The following HDAC9 variants were observed in gnomAD, a reference collection of about 807,000 sequenced individuals.
The protein encoded by HDAC9 is histone deacetylase 9, also known as MEF-2 interacting transcription repressor (MITR) protein.
Under a neutral mutation model 139.4 loss-of-function variants are expected in HDAC9, and 41 were observed. The ratio of observed to expected loss-of-function variants is 0.29; its 90% confidence interval spans 0.23 to 0.38. The LOEUF (loss-of-function observed/expected upper bound fraction) is 0.38. Among genes scored for constraint, HDAC9 ranks in the 10% least tolerant of loss-of-function variants. The probability of loss-of-function intolerance (pLI) is 1.00; values close to 1 mark genes in which losing one functional copy is unlikely to be tolerated. For missense variants in HDAC9, 1,147 were observed against 1,297.0 expected (o/e 0.88, Z 1.78); for synonymous variants, 517 against 476.2 (o/e 1.09, Z -1.12).
intron 21 of HDAC9, among the ~76,000 whole-genome samples, chr7:18,859,764 G>C (rs1354180885): frequency 1.5e-5 from 2 of 130,970 alleles, no homozygotes; most frequent in Non-Finnish European, 3.2e-5. Flanking sequence ...TGCCTACAAA[G>C]CTTCTTTTTC....
chr7:18,155,389 A>G (rs888003565), intron 1 of HDAC9, among the ~76,000 whole-genome samples: 3 of 152,196 alleles, frequency 2.0e-5, no homozygotes, highest in African/African-American at 4.8e-5. Context: ...GCTTACTACG[A>G]AAAGGTCTGT....
chr7:18,366,762 A>T (rs1784212855), intron 1 of HDAC9, among the ~76,000 whole-genome samples: 1 of 152,126 alleles, frequency 6.6e-6, no homozygotes. Flanking sequence ...AAATCCTCAT[A>T]GCTATTCACC....
chr7:18,488,048 A>G (rs1796101207), intron 1 of HDAC9, among the ~76,000 whole-genome samples: 1 of 152,084 alleles, frequency 6.6e-6, no homozygotes, highest in Non-Finnish European at 1.5e-5. Context: ...GTGGAATAAA[A>G]TAAACTTTTG....
intron 16 of HDAC9, 87 bp from the exon 17 acceptor site, chr7:18,793,258 C>A: frequency 2.3e-6 from 2 of 874,476 alleles, no homozygotes; most frequent in Middle Eastern, 2.2e-4. Flanking sequence ...TCTTCCCCTG[C>A]GACCTCTTCC....
chr7:18,298,676 T>G (rs2128228451), intron 1 of HDAC9, among the ~76,000 whole-genome samples: 1 of 152,344 alleles, frequency 6.6e-6, no homozygotes, highest in East Asian at 1.9e-4. Context: ...GAACTTTCTT[T>G]GTTTAGCTTG....
At chr7:18,976,155 G>A (rs947781246) in intron 25 of HDAC9, among the ~76,000 whole-genome samples, 1 of 152,304 alleles carries the variant, frequency 6.6e-6, no homozygotes, top group Middle Eastern at 3.4e-3. Context: ...TGCAGAGCTG[G>A]AGCATGTGGT....
chr7:18,798,208 C>T (rs1382931656), intron 17 of HDAC9, among the ~76,000 whole-genome samples: 9 of 152,054 alleles, frequency 5.9e-5, no homozygotes, highest in Non-Finnish European at 1.2e-4. Flanking sequence ...GAGGTAATGC[C>T]AAGTGGAATT....
At chr7:18,335,835 A>G (rs1781545654) in intron 1 of HDAC9, among the ~76,000 whole-genome samples, 1 of 151,582 alleles carries the variant, frequency 6.6e-6, no homozygotes, top group Admixed American at 6.6e-5. Context: ...GGCTGATGCA[A>G]TGGTGGGGAA....
At chr7:18,426,663 T>A (rs78482795) in intron 1 of HDAC9, among the ~76,000 whole-genome samples, 2,696 of 152,298 alleles carry the variant, frequency 0.018, 35 homozygotes, top group Non-Finnish European at 0.029. Context: ...ATCTTGAAAT[T>A]GCTTTTATTT....
At chr7:18,174,035 A>G (rs1210578027) in intron 2 of HDAC9, among the ~76,000 whole-genome samples, 1 of 152,174 alleles carries the variant, frequency 6.6e-6, no homozygotes, top group African/African-American at 2.4e-5. Flanking sequence ...AATATCCTGA[A>G]GAGTGTTTTC....
intron 2 of HDAC9, among the ~76,000 whole-genome samples, chr7:18,197,314 A>G (rs887182003): frequency 1.3e-5 from 2 of 152,212 alleles, no homozygotes; most frequent in Non-Finnish European, 2.9e-5. Flanking sequence ...TATGGGAGCC[A>G]CAGGAGTTGA....
chr7:18,172,483 C>T (rs1320978261), intron 2 of HDAC9, among the ~76,000 whole-genome samples: 2 of 152,052 alleles, frequency 1.3e-5, no homozygotes, highest in East Asian at 1.9e-4. Flanking sequence ...TATTTCTTGC[C>T]TTCTGCTACC....
chr7:18,665,645 A>G lies in HDAC9; in HGVS notation c.1468-568A>G, dbSNP rs952146825. The stretch of plus-strand genomic sequence containing the variant: ...TAAATCATACACCTCTTTAAAGTTC[A>G]GAATATCAAAATAAATATTTCTAGT... On this transcript the variant is annotated intron_variant, in intron 11 of 25. Coordinates refer to ENST00000686413, the MANE Select transcript of HDAC9 (RefSeq NM_178425.4). 4.6e-5 allele frequency among the ~76,000 whole-genome samples: 7 copies of G among 152,114 alleles called. 1 individual carries two copies. Among genetic ancestry groups the G allele is most frequent in the African/African-American group, 1.7e-4 (7 of 41,436 alleles).
At chr7:18,578,285 T>G (rs1023482146) in intron 2 of HDAC9, 8 of 515,114 alleles carry the variant, frequency 1.6e-5, no homozygotes, top group Non-Finnish European at 3.1e-5. Flanking sequence ...GAAGGTGTTT[T>G]GGCCTGCTAT....
intron 22 of HDAC9, among the ~76,000 whole-genome samples, chr7:18,934,773 A>C (rs571645621): frequency 3.3e-4 from 50 of 152,310 alleles, no homozygotes; most frequent in African/African-American, 1.2e-3. Context: ...ATCTGGCATT[A>C]TTTAGCAGAT....
chr7:18,626,099 A>G (rs1841636110), intron 6 of HDAC9, among the ~76,000 whole-genome samples: 2 of 152,100 alleles, frequency 1.3e-5, no homozygotes, highest in African/African-American at 4.8e-5. Context: ...TGCTTAGGGA[A>G]GTGGGGGTAC....
intron 2 of HDAC9, among the ~76,000 whole-genome samples, chr7:18,280,819 T>G (rs1026513955): frequency 6.6e-6 from 1 of 152,040 alleles, no homozygotes; most frequent in African/African-American, 2.4e-5. Context: ...AATAACTTAT[T>G]GAGATGGTCT....
chr7:18,089,437 T>C (rs1178992601), intron 1 of HDAC9, among the ~76,000 whole-genome samples: 1 of 152,042 alleles, frequency 6.6e-6, no homozygotes, highest in Non-Finnish European at 1.5e-5. Flanking sequence ...ATAACCGTTA[T>C]TATGGTAGAA....
intron 2 of HDAC9, among the ~76,000 whole-genome samples, chr7:18,212,866 G>A (rs1031501708): frequency 1.3e-5 from 2 of 152,198 alleles, no homozygotes; most frequent in Non-Finnish European, 2.9e-5. Flanking sequence ...CTGTGCCTTG[G>A]ATGTGTGAGT....
Sources: allele counts gnomAD v4.1 joint callset (sites outside exome capture counted in the v4.1 genomes callset), GRCh38; gene constraint gnomAD v4.1.1; transcripts MANE v1.5; gene names NCBI Gene and HGNC (gene_info 2026-07-23, HGNC 2026-07-21).